The following PIK3C2G variants were observed in gnomAD, a reference collection of about 807,000 sequenced individuals.
PIK3C2G encodes phosphatidylinositol-4-phosphate 3-kinase catalytic subunit type 2 gamma.
PIK3C2G carries 168 observed loss-of-function variants against 181.1 expected under a neutral mutation model. The ratio of observed to expected loss-of-function variants is 0.93; its 90% CI spans 0.82 to 1.05. PIK3C2G has a LOEUF of 1.05. PIK3C2G is among the 50% of genes least tolerant of loss of function. The pLI, the probability that PIK3C2G is intolerant of heterozygous loss-of-function variation, is 0.00. For synonymous variants in PIK3C2G, 573 were observed against 592.2 expected (o/e 0.97, Z 0.47); for missense variants, 1,869 against 1,732.8 (o/e 1.08, Z -1.40).
At chr12:18,517,282 C>G (rs1446100842) in intron 24 of PIK3C2G, among the ~76,000 whole-genome samples, 3 of 152,098 alleles carry the variant, frequency 2.0e-5, no homozygotes, top group African/African-American at 7.2e-5. Context: ...CATTGTTTCT[C>G]AGTCTGGGGA....
intron 5 of PIK3C2G, among the ~76,000 whole-genome samples, chr12:18,307,420 T>C (rs1950465078): frequency 6.6e-6 from 1 of 151,882 alleles, no homozygotes; most frequent in Non-Finnish European, 1.5e-5. Flanking sequence ...TCAGTTCATT[T>C]AACAGCTGAA....
the PIK3C2G span, among the ~76,000 whole-genome samples, chr12:18,655,337 G>A: frequency 6.6e-6 from 1 of 152,160 alleles, no homozygotes; most frequent in Non-Finnish European, 1.5e-5. Context: ...GCTGGGACAA[G>A]TTGGGTAAGT....
At chr12:18,292,259 T>C (rs1021906390) in intron 4 of PIK3C2G, among the ~76,000 whole-genome samples, 1 of 137,814 alleles carries the variant, frequency 7.3e-6, no homozygotes, top group Admixed American at 7.5e-5. Context: ...TATATATGGA[T>C]TTATTATAGA....
chr12:18,251,367 T>C (rs181978682), intron 1 of PIK3C2G, among the ~76,000 whole-genome samples: 1 of 152,144 alleles, frequency 6.6e-6, no homozygotes, highest in Admixed American at 6.5e-5. Flanking sequence ...CTGGGAGCTT[T>C]TTTTTGTCTA....
At chr12:18,377,415 G>A (rs1486103371) in intron 13 of PIK3C2G, among the ~76,000 whole-genome samples, 2 of 152,072 alleles carry the variant, frequency 1.3e-5, no homozygotes, top group Non-Finnish European at 2.9e-5. Flanking sequence ...TTCTTCTAAT[G>A]GCATCATATT....
chr12:18,569,024 C>G (rs1400694842), intron 29 of PIK3C2G, among the ~76,000 whole-genome samples: 1 of 152,086 alleles, frequency 6.6e-6, no homozygotes, highest in African/African-American at 2.4e-5. Flanking sequence ...CTTTGCCACC[C>G]TCCCATCAAG....
intron 4 of PIK3C2G, among the ~76,000 whole-genome samples, chr12:18,292,227 A>AATAT (rs1555149102): frequency 0.031 from 1,468 of 47,832 alleles, 58 homozygotes; most frequent in Admixed American, 0.044. Flanking sequence ...AAAAAAAAAA[A>AATAT]ATATATATAT....
intron 31 of PIK3C2G, among the ~76,000 whole-genome samples, chr12:18,621,096 A>C (rs1328817876): frequency 5.9e-5 from 9 of 152,006 alleles, no homozygotes; most frequent in Non-Finnish European, 8.8e-5. Flanking sequence ...AACCACTAAC[A>C]ATGGATAGTT....
At chr12:18,615,367 G>GTGTGTGTGTGTGTGTGTGTA (rs1163460591) in intron 31 of PIK3C2G, among the ~76,000 whole-genome samples, 1 of 88,504 alleles carries the variant, frequency 1.1e-5, no homozygotes, top group African/African-American at 3.9e-5. Context: ...GTGTGTGTGT[G>GTGTGTGTGTGTGTGTGTGTA]TGTATGTGTA....
At chr12:18,408,240 A>T (rs1944650818) in intron 16 of PIK3C2G, among the ~76,000 whole-genome samples, 1 of 152,178 alleles carries the variant, frequency 6.6e-6, no homozygotes, top group African/African-American at 2.4e-5. Flanking sequence ...CAATTTTTGT[A>T]TAAGGTGTAA....
the PIK3C2G span, among the ~76,000 whole-genome samples, chr12:18,673,059 G>C: frequency 6.6e-6 from 1 of 152,074 alleles, no homozygotes; most frequent in Non-Finnish European, 1.5e-5. Flanking sequence ...ACATAGAAGA[G>C]AATTAAAAAG....
intron 25 of PIK3C2G, among the ~76,000 whole-genome samples, chr12:18,539,034 G>A (rs1207729687): frequency 2.0e-5 from 3 of 151,844 alleles, no homozygotes; most frequent in Admixed American, 6.6e-5. Context: ...CTATACATGG[G>A]AAACATACAT....
At position 18,382,007 on chromosome 12, in the gene PIK3C2G, T is replaced by C. The variant is rs1462094037; in HGVS notation, c.1995+127T>C. ...TAATAGCCTTCTCTGCCTCCAGCCTTCTGGGATTTGTGAAACCTCTACTGC... is the reference window on the plus strand; with the variant it reads ...TAATAGCCTTCTCTGCCTCCAGCCTCCTGGGATTTGTGAAACCTCTACTGC... On this transcript the variant is annotated intron_variant, in intron 14 of 32. Transcript: ENST00000538779. 6.1e-6 allele frequency: 4 copies of C among 656,368 alleles called. No individual in the cohort carries two copies. The East Asian group carries it at 1.1e-4, about 18-fold the overall frequency. 40.7% of individuals were successfully genotyped at this position (656,368 alleles called of 1,614,324 possible).
At chr12:18,268,339 A>T (rs1324977795) in intron 1 of PIK3C2G, among the ~76,000 whole-genome samples, 1 of 152,154 alleles carries the variant, frequency 6.6e-6, no homozygotes, top group Non-Finnish European at 1.5e-5. Flanking sequence ...GCCAGATACC[A>T]TTCTACAGCA....
chr12:18,635,535 T>A (rs1485156923), intron 31 of PIK3C2G, among the ~76,000 whole-genome samples: 2 of 152,110 alleles, frequency 1.3e-5, no homozygotes, highest in Admixed American at 6.6e-5. Flanking sequence ...TAGTAGCAGG[T>A]CAAGAGCTAT....
At chr12:18,352,919 T>C (rs1336042887) in intron 11 of PIK3C2G, among the ~76,000 whole-genome samples, 2 of 152,130 alleles carry the variant, frequency 1.3e-5, no homozygotes, top group African/African-American at 4.8e-5. Flanking sequence ...ACTCCACCAC[T>C]CAGCTGCTCT....
chr12:18,363,225 G>A (rs1459376911), intron 12 of PIK3C2G: 2 of 159,754 alleles, frequency 1.3e-5, no homozygotes, highest in Non-Finnish European at 2.7e-5. Context: ...GTGTAACAAA[G>A]AAAAGACAAC....
intron 14 of PIK3C2G, among the ~76,000 whole-genome samples, chr12:18,384,413 G>A (rs980396193): frequency 2.6e-5 from 4 of 152,170 alleles, no homozygotes; most frequent in African/African-American, 9.7e-5. Context: ...TGTGGGGTGT[G>A]TAAGTGTAGA....
chr12:18,609,537 G>T lies in PIK3C2G; in HGVS notation c.4090G>T (p.Glu1364Ter). ...VEESSPVYLG[E>*]KFPDKKPKVQ... ...CTGAAATTCTATTCTTTTATCAGGT[G>T]AGAAGTTTCCAGACAAGAAGCCTAA... Residue 1364 changes from glutamate (E) to a stop codon, truncating the protein, a stop_gained and splice_region_variant, in exon 31 of 33, where the codon GAG becomes TAG. Coordinates refer to ENST00000538779, the MANE Select transcript of PIK3C2G (RefSeq NM_001288772.2). LOFTEE classifies it high-confidence loss of function. 1 of 1,565,904 alleles carries T rather than the reference G, an allele frequency of 6.4e-7. No homozygotes were observed. Among genetic ancestry groups the T allele is most frequent in the African/African-American group, 1.4e-5 (1 of 73,972 alleles).
Sources: allele counts gnomAD v4.1 joint callset (sites outside exome capture counted in the v4.1 genomes callset), GRCh38; gene constraint gnomAD v4.1.1; transcripts MANE v1.5; gene names NCBI Gene and HGNC (gene_info 2026-07-23, HGNC 2026-07-21).